ZNF567: variants seen among roughly 807,000 people sequenced by gnomAD.
The protein encoded by ZNF567 is zinc finger protein 567.
A neutral mutation model predicts 53.9 loss-of-function variants in ZNF567; 36 were observed. That is an observed-to-expected ratio of 0.67 (90% CI 0.51 to 0.88). The LOEUF (loss-of-function observed/expected upper bound fraction) is 0.88, where lower values mean the gene tolerates loss of function less well. ZNF567 is among the 40% of genes least tolerant of loss of function. ZNF567 has a pLI of 0.00. For missense variants in ZNF567, 619 were observed against 764.7 expected, an observed-to-expected ratio of 0.81 and a Z score of 2.25; for synonymous variants, 224 against 260.4, an observed-to-expected ratio of 0.86 and a Z score of 1.35.
intron 1 of ZNF567, 66 bp from the exon 2 acceptor site, chr19:36,689,331 G>A (rs1235432539): frequency 6.6e-6 from 1 of 150,494 alleles, no homozygotes; most frequent in East Asian, 2.0e-4. Flanking sequence ...AAATGTGAAA[G>A]GATACATGAT....
intron 2 of ZNF567, among the ~76,000 whole-genome samples, chr19:36,690,899 A>G (rs1028667692): frequency 6.6e-6 from 1 of 152,222 alleles, no homozygotes; most frequent in African/African-American, 2.4e-5. Flanking sequence ...CTCCTGTGTT[A>G]GTCATGTTAG....
chr19:36,693,045 T>C (rs979279235), intron 2 of ZNF567, among the ~76,000 whole-genome samples: 3 of 151,892 alleles, frequency 2.0e-5, no homozygotes, highest in East Asian at 3.9e-4. Context: ...CCCAGCACTT[T>C]GGGAAGCCAA....
upstream of ZNF567, chr19:36,685,469 T>C (rs1177676373): frequency 6.6e-6 from 1 of 151,874 alleles, no homozygotes; most frequent in African/African-American, 2.4e-5. Flanking sequence ...CATGTGCCCA[T>C]AAGGTCCTGG....
chr19:36,678,824 C>G, the ZNF567 span, among the ~76,000 whole-genome samples: 1 of 149,798 alleles, frequency 6.7e-6, no homozygotes, highest in African/African-American at 2.5e-5. Context: ...GCACTCCAGC[C>G]TAGGTGACAG....
chr19:36,699,005 G>A (rs1336557197), intron 3 of ZNF567, among the ~76,000 whole-genome samples: 16 of 152,140 alleles, frequency 1.1e-4, no homozygotes, highest in Non-Finnish European at 1.9e-4. Flanking sequence ...CCATGCCTAT[G>A]TCCTGAATGG....
intron 3 of ZNF567, among the ~76,000 whole-genome samples, chr19:36,706,549 C>T (rs1046183960): frequency 4.6e-5 from 7 of 151,780 alleles, no homozygotes; most frequent in Non-Finnish European, 1.0e-4. Flanking sequence ...CTGCCTTGGC[C>T]TCCCAAAGTG....
intron 3 of ZNF567, among the ~76,000 whole-genome samples, chr19:36,705,424 G>A (rs965044258): frequency 6.6e-6 from 1 of 152,084 alleles, no homozygotes; most frequent in Non-Finnish European, 1.5e-5. Flanking sequence ...ATTTTCTCAT[G>A]TTTGTTTTTT....
chr19:36,684,780 G>A (rs189603268), upstream of ZNF567, among the ~76,000 whole-genome samples: 6 of 152,110 alleles, frequency 3.9e-5, no homozygotes, highest in Non-Finnish European at 5.9e-5. Flanking sequence ...TAATCATCAA[G>A]CAGAAAGAAG....
intron 3 of ZNF567, among the ~76,000 whole-genome samples, chr19:36,702,396 A>T (rs1460931484): frequency 1.3e-5 from 2 of 151,392 alleles, no homozygotes; most frequent in African/African-American, 4.9e-5. Flanking sequence ...TCTGACAATT[A>T]TGTGTCTTGG....
At chr19:36,675,821 A>T in the ZNF567 span, among the ~76,000 whole-genome samples, 1 of 152,022 alleles carries the variant, frequency 6.6e-6, no homozygotes, top group South Asian at 2.1e-4. Flanking sequence ...TGCACTCCAG[A>T]CTGGGTGACA....
chr19:36,708,059 C>T (rs1307555593), intron 3 of ZNF567, among the ~76,000 whole-genome samples: 2 of 152,014 alleles, frequency 1.3e-5, no homozygotes, highest in Non-Finnish European at 2.9e-5. Flanking sequence ...CCACACCTAG[C>T]TAATTTTTAA....
downstream of ZNF567, among the ~76,000 whole-genome samples, chr19:36,726,626 A>G (rs2145941831): frequency 6.6e-6 from 1 of 152,300 alleles, no homozygotes; most frequent in East Asian, 1.9e-4. Context: ...TTTGCCTTCC[A>G]TATACACCAC....
chr19:36,714,563 T>G (rs1315515518), intron 5 of ZNF567: 4 of 397,116 alleles, frequency 1.0e-5, no homozygotes, highest in Non-Finnish European at 1.8e-5. Context: ...TTTCCTTTCC[T>G]TCATACCACC....
At chr19:36,682,388 C>CAAAGGA in the ZNF567 span, among the ~76,000 whole-genome samples, 8 of 150,516 alleles carry the variant, frequency 5.3e-5, no homozygotes, top group Non-Finnish European at 1.0e-4. Flanking sequence ...TAATGTTGAG[C>CAAAGGA]AAAGGAGGTC....
At chr19:36,687,865 G>A (rs2038337887) in intron 1 of ZNF567, among the ~76,000 whole-genome samples, 1 of 152,218 alleles carries the variant, frequency 6.6e-6, no homozygotes, top group Non-Finnish European at 1.5e-5. Context: ...GGAACCGGTT[G>A]CCCGAGGCGG....
At chr19:36,673,046 A>G in the ZNF567 span, among the ~76,000 whole-genome samples, 1 of 151,856 alleles carries the variant, frequency 6.6e-6, no homozygotes, top group Admixed American at 6.5e-5. Flanking sequence ...TATCATGTAC[A>G]GTATGATATA....
At chr19:36,725,882 C>T (rs951565472), downstream of ZNF567, among the ~76,000 whole-genome samples, 20 of 152,158 alleles carry the variant, frequency 1.3e-4, no homozygotes, top group Non-Finnish European at 1.8e-4. Flanking sequence ...TTTTTCAGCC[C>T]TGTCTTCTTT....
chr19:36,693,339 A>C (rs560228336), intron 2 of ZNF567, among the ~76,000 whole-genome samples: 1 of 152,032 alleles, frequency 6.6e-6, no homozygotes, highest in Non-Finnish European at 1.5e-5. Context: ...TGGGTGGTAC[A>C]TGCCTATGGT....
At chr19:36,702,370 T>A (rs954405581) in intron 3 of ZNF567, among the ~76,000 whole-genome samples, 1 of 151,910 alleles carries the variant, frequency 6.6e-6, no homozygotes, top group African/African-American at 2.4e-5. Context: ...TTTTCCTTCA[T>A]TTCAACTTCG....
Sources: gnomAD v4.1 joint callset for allele counts (sites outside exome capture counted in the v4.1 genomes callset) on GRCh38, gnomAD v4.1.1 for gene constraint, MANE v1.5 for transcripts, NCBI Gene and HGNC (gene_info 2026-07-23, HGNC 2026-07-21) for gene names.